Variants in PIK3C3 observed in about 807,000 individuals in gnomAD.
PIK3C3 encodes the protein PI3-kinase type 3.
PIK3C3 carries 95 observed loss-of-function variants against 126.1 expected under a neutral mutation model. The observed-to-expected ratio is 0.75, with a 90% CI of 0.64 to 0.89. The LOEUF (loss-of-function observed/expected upper bound fraction) is 0.89. Ranked by LOEUF, PIK3C3 falls within the 40% of genes least tolerant of loss-of-function variation. The probability of loss-of-function intolerance (pLI) is 0.00; values close to 1 mark genes in which losing one functional copy is unlikely to be tolerated. For missense variants in PIK3C3, 829 were observed against 1,063.2 expected, an observed-to-expected ratio of 0.78 and a Z score of 3.06; for synonymous variants, 374 against 360.0, an observed-to-expected ratio of 1.04 and a Z score of -0.44.
chr18:41,975,876 A>T (rs757294001), intron 4 of PIK3C3, among the ~76,000 whole-genome samples: 1 of 151,846 alleles, frequency 6.6e-6, no homozygotes, highest in African/African-American at 2.4e-5. Context: ...ATTTTTCTGT[A>T]TTTTTAGTAG....
intron 9 of PIK3C3, among the ~76,000 whole-genome samples, chr18:41,998,629 A>G (rs1982139167): frequency 6.6e-6 from 1 of 152,194 alleles, no homozygotes; most frequent in African/African-American, 2.4e-5. Context: ...TCATTTAACT[A>G]GTTGATTTCA....
Position 42,039,111 on chromosome 18 carries a change from A to G in PIK3C3, c.2038+261A>G, listed in dbSNP as rs138460080. Reference sequence around the variant, plus strand: ...ATTCCTGACAATCCTGTAGACACACATACACATACACACACACCCTCACAC... The same window carrying G: ...ATTCCTGACAATCCTGTAGACACACGTACACATACACACACACCCTCACAC... On this transcript the variant is annotated intron_variant, in intron 18 of 24. Transcript: ENST00000262039. Among the ~76,000 whole-genome samples the G allele has an allele frequency of 3.3e-3, 496 of 152,220 alleles. 4 individuals are homozygous for G. The highest frequency in any genetic ancestry group is 0.012 in the African/African-American group (478 of 41,548).
At chr18:41,989,890 C>T (rs537377163) in intron 5 of PIK3C3, among the ~76,000 whole-genome samples, 61 of 152,044 alleles carry the variant, frequency 4.0e-4, no homozygotes, top group Non-Finnish European at 7.4e-4. Flanking sequence ...GTAATTATTC[C>T]GCAGTATATT....
At chr18:42,076,127 T>TATATATATATATATGCGC (rs1985990048) in intron 24 of PIK3C3, among the ~76,000 whole-genome samples, 3 of 75,848 alleles carry the variant, frequency 4.0e-5, no homozygotes, top group African/African-American at 1.4e-4. Context: ...TATATGCGCA[T>TATATATATATATATGCGC]ATATATATAT....
chr18:42,069,199 T>A (rs1985673859), intron 24 of PIK3C3, among the ~76,000 whole-genome samples: 1 of 152,236 alleles, frequency 6.6e-6, no homozygotes, highest in Admixed American at 6.5e-5. Context: ...AAGGGCTGCC[T>A]CAGGGTCTGC....
chr18:41,981,408 A>C lies in PIK3C3; in HGVS notation c.532-6404A>C, dbSNP rs544760816. On this transcript the variant is annotated intron_variant, in intron 4 of 24. Transcript: ENST00000262039. ...GATTTATCTTCAAGAAGTTTAACTA[A>C]ATGAAACTTTTATGAAGCAAATACT... is the stretch of plus-strand genomic sequence containing the variant. Among the ~76,000 whole-genome samples the C allele has an allele frequency of 3.9e-5, 6 of 152,318 alleles. No individual in the cohort carries two copies. The East Asian group carries it at 1.2e-3, about 29-fold the overall frequency.
At chr18:41,964,806 A>G (rs754291358) in intron 3 of PIK3C3, among the ~76,000 whole-genome samples, 1 of 152,254 alleles carries the variant, frequency 6.6e-6, no homozygotes, top group Non-Finnish European at 1.5e-5. Context: ...AAATTTTCCT[A>G]TCCAGGAAAA....
chr18:42,071,119 G>A (rs1985755222), intron 24 of PIK3C3, among the ~76,000 whole-genome samples: 2 of 152,108 alleles, frequency 1.3e-5, no homozygotes, highest in Non-Finnish European at 2.9e-5. Flanking sequence ...CAAAGTTACT[G>A]CCACATGAAA....
At chr18:42,067,316 C>T (rs143232984) in intron 23 of PIK3C3, 72 bp from the exon 24 acceptor site, 2 of 1,334,188 alleles carry the variant, frequency 1.5e-6, no homozygotes, top group Non-Finnish European at 2.1e-6. Context: ...ATGTCTGCAT[C>T]AGTTTGATTC....
rs1454904028 is a variant in PIK3C3, at chr18:42,081,741, ATAAT to A, written c.*610_*613del. 2 of 152,214 alleles carry A rather than the reference ATAAT, an allele frequency of 1.3e-5. No homozygotes were observed. The highest frequency in any genetic ancestry group is 2.4e-5 in the African/African-American group (1 of 41,462). The allele number at this position is 152,214 out of a possible 1,614,324, so 9.4% of individuals were successfully genotyped here. On this transcript the variant is annotated 3_prime_UTR_variant, in exon 25 of 25. Transcript: ENST00000262039. ...AGAAGATACTCATTTTCTCTTACAAATAATTAATTTTTTGTAAACTACAGTTAAT... is the reference window on the plus strand; with the variant it reads ...AGAAGATACTCATTTTCTCTTACAAATAATTTTTTGTAAACTACAGTTAAT...
intron 24 of PIK3C3, among the ~76,000 whole-genome samples, chr18:42,074,463 T>A (rs1015499511): frequency 3.3e-5 from 5 of 152,170 alleles, no homozygotes; most frequent in Admixed American, 1.3e-4. Flanking sequence ...TGTACTCTCC[T>A]TTAACAAACA....
intron 24 of PIK3C3, among the ~76,000 whole-genome samples, chr18:42,069,954 A>G (rs1380136458): frequency 6.6e-6 from 1 of 152,140 alleles, no homozygotes; most frequent in Non-Finnish European, 1.5e-5. Flanking sequence ...GAGCCCAGCT[A>G]TGAGGTTTTT....
chr18:42,010,003 C>CT (rs1054014016), intron 10 of PIK3C3, among the ~76,000 whole-genome samples: 5 of 152,052 alleles, frequency 3.3e-5, no homozygotes, highest in African/African-American at 1.2e-4. Context: ...CCCATTGACT[C>CT]TTTTTTTCAC....
intron 7 of PIK3C3, among the ~76,000 whole-genome samples, chr18:41,995,081 A>G (rs538995951): frequency 6.6e-6 from 1 of 152,270 alleles, no homozygotes; most frequent in Non-Finnish European, 1.5e-5. Flanking sequence ...GTGTAGGGAA[A>G]GACTTTTTAA....
At chr18:41,998,747 A>G (rs543754783) in intron 9 of PIK3C3, among the ~76,000 whole-genome samples, 2 of 152,298 alleles carry the variant, frequency 1.3e-5, no homozygotes, top group African/African-American at 4.8e-5. Context: ...AGAAGTCACT[A>G]TGGAGTAAAC....
At chr18:41,970,191 C>T (rs1163018865) in intron 3 of PIK3C3, 136 bp from the exon 4 acceptor site, 1 of 695,690 alleles carries the variant, frequency 1.4e-6, no homozygotes, top group Non-Finnish European at 2.4e-6. Context: ...GCTTTACATT[C>T]CATTGGGGGC....
intron 14 of PIK3C3, among the ~76,000 whole-genome samples, chr18:42,027,801 C>A (rs927030075): frequency 1.7e-4 from 26 of 152,192 alleles, no homozygotes; most frequent in African/African-American, 6.3e-4. Flanking sequence ...ATTAAAGGCG[C>A]CCGCTACCAT....
chr18:41,978,471 A>G (rs1403522849), intron 4 of PIK3C3, among the ~76,000 whole-genome samples: 3 of 152,212 alleles, frequency 2.0e-5, no homozygotes, highest in Non-Finnish European at 4.4e-5. Context: ...AGATAACCCA[A>G]AAGGACCAAG....
intron 6 of PIK3C3, among the ~76,000 whole-genome samples, chr18:41,992,752 T>C (rs1018446666): frequency 4.6e-5 from 7 of 152,150 alleles, no homozygotes; most frequent in Admixed American, 1.3e-4. Flanking sequence ...ACAACGTTGT[T>C]GATTCTCTAG....
Sources: allele counts gnomAD v4.1 joint callset (sites outside exome capture counted in the v4.1 genomes callset), GRCh38; gene constraint gnomAD v4.1.1; transcripts MANE v1.5; gene names NCBI Gene and HGNC (gene_info 2026-07-23, HGNC 2026-07-21).